Variants in TAS2R1 observed in about 807,000 individuals in gnomAD.
TAS2R1 encodes the protein taste receptor type 2 member 1.
For synonymous variants in TAS2R1, 141 were observed against 134.2 expected (o/e 1.05, Z -0.35); for missense variants, 370 against 353.4 (o/e 1.05, Z -0.38).
the TAS2R1 span, among the ~76,000 whole-genome samples, chr5:9,878,355 T>C: frequency 3.7e-4 from 56 of 152,166 alleles, no homozygotes; most frequent in Non-Finnish European, 1.3e-4. Context: ...TCATAGAGTA[T>C]AGTTCCAGGA....
intron 1 of TAS2R1, among the ~76,000 whole-genome samples, chr5:9,672,327 A>T (rs400973): frequency 1.2e-4 from 18 of 152,060 alleles, no homozygotes; most frequent in Admixed American, 1.1e-3. Flanking sequence ...CAAAACACAC[A>T]ATCAACAGAG....
the TAS2R1 span, among the ~76,000 whole-genome samples, chr5:9,850,738 C>T: frequency 5.9e-5 from 9 of 152,270 alleles, no homozygotes; most frequent in East Asian, 1.4e-3. Flanking sequence ...GTAAGTATGC[C>T]GGGGAGCAAG....
At chr5:9,866,179 A>G in the TAS2R1 span, among the ~76,000 whole-genome samples, 1 of 152,172 alleles carries the variant, frequency 6.6e-6, no homozygotes, top group South Asian at 2.1e-4. Flanking sequence ...CATGATGCCC[A>G]TTGATTGAAA....
At chr5:9,895,919 C>G in the TAS2R1 span, among the ~76,000 whole-genome samples, 52 of 152,336 alleles carry the variant, frequency 3.4e-4, no homozygotes, top group African/African-American at 1.3e-3. Context: ...ATTTCAACCT[C>G]CAACCTGTAC....
At chr5:9,784,572 C>G in the TAS2R1 span, among the ~76,000 whole-genome samples, 272 of 152,344 alleles carry the variant, frequency 1.8e-3, no homozygotes, top group African/African-American at 6.2e-3. Context: ...AAACCGCCAG[C>G]CTGCCCCTGA....
chr5:9,866,096 G>T, the TAS2R1 span, among the ~76,000 whole-genome samples: 1 of 152,006 alleles, frequency 6.6e-6, no homozygotes, highest in African/African-American at 2.4e-5. Flanking sequence ...TTATCTCTCT[G>T]TGTTTTTTAA....
intron 1 of TAS2R1, among the ~76,000 whole-genome samples, chr5:9,674,320 T>A (rs1740827776): frequency 6.6e-6 from 1 of 152,154 alleles, no homozygotes; most frequent in African/African-American, 2.4e-5. Flanking sequence ...GATATTATGA[T>A]AAACAATAGT....
chr5:9,809,302 A>G, the TAS2R1 span, among the ~76,000 whole-genome samples: 4 of 152,218 alleles, frequency 2.6e-5, no homozygotes, highest in Non-Finnish European at 2.9e-5. Flanking sequence ...TCAGAGGGCC[A>G]TGAAGGGAAT....
rs192343323 is a variant in TAS2R1, at chr5:9,642,098, A to G, written c.-80-12106T>C. Among the ~76,000 whole-genome samples, 125 of 152,228 alleles carry G rather than the reference A, an allele frequency of 8.2e-4. 1 individual carries two copies. The highest frequency in any genetic ancestry group is 1.5e-4 in the Non-Finnish European group (10 of 68,036). On this transcript the variant is annotated intron_variant, in intron 2 of 2. Coordinates refer to the TAS2R1 transcript ENST00000506620. Reference sequence around the variant, plus strand: ...AGAGTTGCTTATTTATATTCAAATCATTTAGCTCCTCAAAAGAAAGTGCGA... The same window carrying G: ...AGAGTTGCTTATTTATATTCAAATCGTTTAGCTCCTCAAAAGAAAGTGCGA...
At chr5:9,826,496 G>A in the TAS2R1 span, among the ~76,000 whole-genome samples, 14,613 of 152,086 alleles carry the variant, frequency 0.096, 821 homozygotes, top group East Asian at 0.2. Context: ...ATTTATTCTT[G>A]CACTTTTTAT....
At chr5:9,715,721 G>A (rs1484392160), upstream of TAS2R1, among the ~76,000 whole-genome samples, 1 of 152,208 alleles carries the variant, frequency 6.6e-6, no homozygotes, top group Non-Finnish European at 1.5e-5. Context: ...TGAACTGGAT[G>A]GGAGACTGAA....
chr5:9,795,111 G>A, the TAS2R1 span, among the ~76,000 whole-genome samples: 8 of 152,128 alleles, frequency 5.3e-5, no homozygotes, highest in African/African-American at 1.9e-4. Flanking sequence ...ATTTGAAACT[G>A]TATCATATAG....
At chr5:9,663,858 G>A (rs1740582261) in intron 1 of TAS2R1, among the ~76,000 whole-genome samples, 1 of 152,106 alleles carries the variant, frequency 6.6e-6, no homozygotes, top group South Asian at 2.1e-4. Flanking sequence ...CAGAGAAGAG[G>A]GGAAGGCTGT....
chr5:9,653,045 T>C (rs56123005), intron 2 of TAS2R1, among the ~76,000 whole-genome samples: 3,791 of 152,234 alleles, frequency 0.025, 163 homozygotes, highest in African/African-American at 0.085. Context: ...CACCATTTCC[T>C]ACTCCCCACC....
chr5:9,796,809 C>T, the TAS2R1 span, among the ~76,000 whole-genome samples: 3 of 150,528 alleles, frequency 2.0e-5, no homozygotes, highest in African/African-American at 7.3e-5. Flanking sequence ...AACTGGCAGA[C>T]TTTGACTCAA....
At chr5:9,763,857 G>A in the TAS2R1 span, among the ~76,000 whole-genome samples, 1 of 152,328 alleles carries the variant, frequency 6.6e-6, no homozygotes, top group East Asian at 1.9e-4. Flanking sequence ...ATTGCTGTGT[G>A]CTCCTAACCA....
At chr5:9,715,956 T>C (rs887359082), upstream of TAS2R1, among the ~76,000 whole-genome samples, 3 of 152,196 alleles carry the variant, frequency 2.0e-5, no homozygotes, top group African/African-American at 2.4e-5. Flanking sequence ...CTACATACGA[T>C]TATGTTATTT....
At position 9,629,317 on chromosome 5, in the gene TAS2R1, GAGA is replaced by G; in HGVS notation, c.713_715del (p.Phe238del). On this transcript the variant is annotated inframe_deletion, in exon 1 of 1. Transcript: ENST00000382492. ...GAGAAAAACTTTTATCATGCAGTGGGAGAAGTAGAGGATCAGGAAGGACAGGAT... is the reference window on the plus strand; with the variant it reads ...GAGAAAAACTTTTATCATGCAGTGGGAGTAGAGGATCAGGAAGGACAGGAT... The G allele has an allele frequency of 1.2e-6, 2 of 1,613,704 alleles. No homozygotes were observed. Among genetic ancestry groups the G allele is most frequent in the Non-Finnish European group, 1.7e-6 (2 of 1,179,864 alleles).
At chr5:9,749,706 C>T in the TAS2R1 span, among the ~76,000 whole-genome samples, 6 of 152,158 alleles carry the variant, frequency 3.9e-5, no homozygotes, top group Admixed American at 2.0e-4. Context: ...TCCCATAAAG[C>T]GATACTTCAA....
Sources: gnomAD v4.1 joint callset for allele counts (sites outside exome capture counted in the v4.1 genomes callset) on GRCh38, gnomAD v4.1.1 for gene constraint, MANE v1.5 for transcripts, NCBI Gene and HGNC (gene_info 2026-07-23, HGNC 2026-07-21) for gene names.